The following SLC13A3 variants were observed in gnomAD, a reference collection of about 807,000 sequenced individuals.
The protein encoded by SLC13A3 is Na(+)/dicarboxylate cotransporter 3.
In SLC13A3, 40 loss-of-function variants were observed where a neutral mutation model predicts 59.0. That is an observed-to-expected ratio of 0.68 (90% CI 0.53 to 0.88). SLC13A3 has a LOEUF of 0.88. SLC13A3 is among the 40% of genes least tolerant of loss of function. SLC13A3 has a pLI of 0.00. For synonymous variants in SLC13A3, 317 were observed against 330.3 expected (o/e 0.96, Z 0.44); for missense variants, 699 against 783.2 (o/e 0.89, Z 1.28).
chr20:46,563,633 G>A (rs762806567), intron 11 of SLC13A3, 82 bp from the exon 12 acceptor site: 82 of 395,968 alleles, frequency 2.1e-4, no homozygotes, highest in South Asian at 3.0e-4. Context: ...AGAGAGAGAG[G>A]CAGTTGGAAA....
At chr20:46,635,649 T>C (rs2425889) in intron 1 of SLC13A3, among the ~76,000 whole-genome samples, 99,777 of 152,006 alleles carry the variant, frequency 0.66, 32,746 homozygotes, top group East Asian at 0.75. Context: ...TGAACCAGAG[T>C]GACTCCATCT....
At chr20:46,574,582 C>T (rs1346643319) in intron 10 of SLC13A3, among the ~76,000 whole-genome samples, 1 of 152,170 alleles carries the variant, frequency 6.6e-6, no homozygotes, top group Non-Finnish European at 1.5e-5. Flanking sequence ...TCTGGAATAA[C>T]ATTAATAATA....
intron 1 of SLC13A3, among the ~76,000 whole-genome samples, chr20:46,636,941 T>C (rs921424090): frequency 6.6e-6 from 1 of 151,934 alleles, no homozygotes; most frequent in Admixed American, 6.6e-5. Flanking sequence ...GCTGGGATTA[T>C]AGGCGCCCAC....
chr20:46,561,016 G>C (rs1328987803), intron 12 of SLC13A3, among the ~76,000 whole-genome samples: 1 of 152,178 alleles, frequency 6.6e-6, no homozygotes, highest in Non-Finnish European at 1.5e-5. Context: ...AAATTACTAA[G>C]CTAAAGAGAA....
intron 1 of SLC13A3, among the ~76,000 whole-genome samples, chr20:46,645,139 A>G (rs528287144): frequency 6.6e-6 from 1 of 152,130 alleles, no homozygotes; most frequent in East Asian, 1.9e-4. Context: ...ACAGCCCCAC[A>G]TCACATTGCT....
At chr20:46,646,006 G>A (rs1423128835) in intron 1 of SLC13A3, among the ~76,000 whole-genome samples, 2 of 152,150 alleles carry the variant, frequency 1.3e-5, no homozygotes, top group African/African-American at 4.8e-5. Flanking sequence ...TTGGATGATG[G>A]AAACCAAACC....
chr20:46,612,812 T>C (rs996272640), intron 2 of SLC13A3, among the ~76,000 whole-genome samples: 3 of 152,166 alleles, frequency 2.0e-5, no homozygotes, highest in African/African-American at 7.2e-5. Flanking sequence ...GTCCAAATCC[T>C]AGCCAGAGTG....
At chr20:46,674,778 G>A, upstream of SLC13A3, among the ~76,000 whole-genome samples, 1 of 152,104 alleles carries the variant, frequency 6.6e-6, no homozygotes, top group Non-Finnish European at 1.5e-5. Flanking sequence ...CAGGCACCAT[G>A]GTAGAAATTA....
Position 46,596,308 on chromosome 20 carries a change from C to A in SLC13A3, c.643G>T (p.Asp215Tyr). 7 of 1,614,180 alleles carry A rather than the reference C, an allele frequency of 4.3e-6. No individual in the cohort carries two copies. Among genetic ancestry groups the A allele is most frequent in the Non-Finnish European group, 5.1e-6 (6 of 1,180,020 alleles). Reference protein sequence around the residue: ...DHPGETEVPLDLPADSRKEDE... With the variant: ...DHPGETEVPLYLPADSRKEDE... ...TCCTTCCTGGAGTCAGCCGGCAGAT[C>A]CAGTGGAACCTCTGTCTCCCCAGGG... The change falls in exon 5 of 13, where the codon GAT becomes TAT. Residue 215 changes from aspartate to tyrosine, a missense_variant. Asp to Tyr is a radical substitution (Grantham distance 160). Transcript: ENST00000279027.
At chr20:46,622,203 C>T (rs1230238493) in intron 1 of SLC13A3, among the ~76,000 whole-genome samples, 1 of 152,184 alleles carries the variant, frequency 6.6e-6, no homozygotes, top group Non-Finnish European at 1.5e-5. Flanking sequence ...GTGACCCTGA[C>T]TCTTTGCTGG....
At chr20:46,565,626 G>A (rs1003263324) in intron 11 of SLC13A3, among the ~76,000 whole-genome samples, 2 of 152,184 alleles carry the variant, frequency 1.3e-5, no homozygotes, top group Admixed American at 6.5e-5. Context: ...GCCCGGCCTG[G>A]GGCTGGTGAT....
chr20:46,639,945 T>C lies in SLC13A3; in HGVS notation c.111+11366A>G, dbSNP rs531258629. Among the ~76,000 whole-genome samples the C allele has an allele frequency of 3.5e-4, 54 of 152,254 alleles. No homozygotes were observed. The South Asian group carries it at 0.011, about 31-fold the overall frequency. On this transcript the variant is annotated intron_variant, in intron 1 of 12. Coordinates refer to ENST00000279027, the MANE Select transcript of SLC13A3 (RefSeq NM_022829.6). ...TCTTACCTCGGCCACTTCCCAGCTG[T>C]GGGAGCTTGGGCAAGTGAGGGAACC...
intron 6 of SLC13A3, among the ~76,000 whole-genome samples, chr20:46,591,088 T>C (rs1195926070): frequency 6.6e-6 from 1 of 151,840 alleles, no homozygotes; most frequent in African/African-American, 2.4e-5. Flanking sequence ...GAGAATGGCC[T>C]GAACCTGGGA....
At chr20:46,653,993 G>A (rs953427499), upstream of SLC13A3, among the ~76,000 whole-genome samples, 23 of 152,168 alleles carry the variant, frequency 1.5e-4, no homozygotes, top group African/African-American at 4.8e-4. Context: ...GTAATTCTGC[G>A]CTTTTTGAAA....
intron 1 of SLC13A3, among the ~76,000 whole-genome samples, chr20:46,639,919 A>C (rs544765498): frequency 2.0e-5 from 3 of 152,294 alleles, no homozygotes; most frequent in African/African-American, 7.2e-5. Context: ...TGAGGTTTGA[A>C]TCTTACCTCG....
At chr20:46,674,329 C>T (rs1026301239), upstream of SLC13A3, among the ~76,000 whole-genome samples, 2 of 152,152 alleles carry the variant, frequency 1.3e-5, no homozygotes, top group Admixed American at 6.5e-5. Context: ...GGAAGTCAAA[C>T]AGTTTGGCCT....
rs765826535 is a variant in SLC13A3 at position 46,596,335 on chromosome 20, G to T, written c.616C>A (p.His206Asn). ...AGTGGAACCTCTGTCTCCCCAGGGT[G>T]GTCTTTGCTTTAAACAAATCCAAAG... is the stretch of plus-strand genomic sequence containing the variant. ...QFLASTEAKDHPGETEVPLDL... is the reference protein window; with the variant it reads ...QFLASTEAKDNPGETEVPLDL... Residue 206 changes from histidine (H) to asparagine (N), a missense_variant, in exon 5 of 13, where the codon CAC becomes AAC. By Grantham distance (68) the His-to-Asn change is moderately conservative. Coordinates refer to ENST00000279027, the MANE Select transcript of SLC13A3 (RefSeq NM_022829.6). 6.2e-7 allele frequency: 1 copy of T among 1,613,844 alleles called. No individual in the cohort carries two copies. The highest frequency in any genetic ancestry group is 1.1e-5 in the South Asian group (1 of 91,026).
At chr20:46,583,715 G>A (rs769009565) in intron 8 of SLC13A3, 46 bp from the exon 9 acceptor site, 62 of 1,610,558 alleles carry the variant, frequency 3.8e-5, no homozygotes, top group Middle Eastern at 1.6e-4. Flanking sequence ...GCATCTCAGC[G>A]GGCCGAGGTT....
chr20:46,587,013 T>C (rs2062199727), intron 8 of SLC13A3, among the ~76,000 whole-genome samples: 1 of 152,252 alleles, frequency 6.6e-6, no homozygotes, highest in Admixed American at 6.5e-5. Context: ...CAAGACGTTG[T>C]CTTTTGATTT....
Sources: gnomAD v4.1 joint callset for allele counts (sites outside exome capture counted in the v4.1 genomes callset) on GRCh38, gnomAD v4.1.1 for gene constraint, MANE v1.5 for transcripts, NCBI Gene and HGNC (gene_info 2026-07-23, HGNC 2026-07-21) for gene names.